TCF12: variants seen among roughly 807,000 people sequenced by gnomAD.
The protein encoded by TCF12 is transcription factor 12.
A neutral mutation model predicts 86.0 loss-of-function variants in TCF12; 45 were observed. That is an observed-to-expected ratio of 0.52 (90% CI 0.41 to 0.67). The LOEUF (loss-of-function observed/expected upper bound fraction) is 0.67. TCF12 is among the 30% of genes least tolerant of loss of function. The pLI is 0.00. For synonymous variants in TCF12, 330 were observed against 299.6 expected, an observed-to-expected ratio of 1.10 and a Z score of -1.05; for missense variants, 881 against 859.9, an observed-to-expected ratio of 1.02 and a Z score of -0.31.
At chr15:57,263,076 G>A (rs779742375) in intron 17 of TCF12, 36 bp from the exon 18 acceptor site, 237 of 1,574,786 alleles carry the variant, frequency 1.5e-4, no homozygotes, top group Non-Finnish European at 1.8e-4. Flanking sequence ...TATGAGTCTC[G>A]TCTTTTATTT....
chr15:57,232,278 C>G lies in TCF12; in HGVS notation c.686-13C>G, dbSNP rs773843603. 1.2e-5 allele frequency: 19 copies of G among 1,612,674 alleles called. No homozygotes were observed. The East Asian group carries it at 4.0e-4, about 34-fold the overall frequency. On this transcript the variant is annotated splice_polypyrimidine_tract_variant and intron_variant, in intron 9 of 20. Transcript: ENST00000333725. ...TAGCTAAGGAAAATTTTATATTTCT[C>G]TTTTTGTCTTAGATGGGACCCACAA...
chr15:57,160,055 G>A (rs1299625593), intron 5 of TCF12, among the ~76,000 whole-genome samples: 1 of 152,178 alleles, frequency 6.6e-6, no homozygotes. Flanking sequence ...CACACACCAT[G>A]AGAGTATTGT....
intron 3 of TCF12, among the ~76,000 whole-genome samples, chr15:56,983,657 CAAAT>C (rs2140903223): frequency 6.6e-6 from 1 of 152,072 alleles, no homozygotes; most frequent in African/African-American, 2.4e-5. Context: ...GTTTTACCGT[CAAAT>C]AAGTTATGTA....
At chr15:57,082,487 T>C (rs1363109783) in intron 4 of TCF12, among the ~76,000 whole-genome samples, 2 of 152,250 alleles carry the variant, frequency 1.3e-5, no homozygotes, top group Non-Finnish European at 2.9e-5. Context: ...TGAACATTTT[T>C]TATGGCAAAG....
chr15:56,976,110 A>C (rs1190725488), intron 3 of TCF12, among the ~76,000 whole-genome samples: 2 of 152,082 alleles, frequency 1.3e-5, no homozygotes, highest in African/African-American at 4.8e-5. Context: ...GATGCTAATG[A>C]AACAGTCATT....
At chr15:57,098,898 A>AT (rs1453113058) in intron 5 of TCF12, among the ~76,000 whole-genome samples, 1 of 152,208 alleles carries the variant, frequency 6.6e-6, no homozygotes, top group Non-Finnish European at 1.5e-5. Context: ...CGTTGAAAGA[A>AT]TAAGAACTGG....
At chr15:57,290,557 A>G (rs1288295604), downstream of TCF12, among the ~76,000 whole-genome samples, 2 of 152,208 alleles carry the variant, frequency 1.3e-5, no homozygotes, top group African/African-American at 4.8e-5. Flanking sequence ...TTTGACATTA[A>G]AAGAAGGGCA....
chr15:56,949,806 G>T (rs1028177460), intron 3 of TCF12, among the ~76,000 whole-genome samples: 1 of 152,162 alleles, frequency 6.6e-6, no homozygotes, highest in African/African-American at 2.4e-5. Context: ...AATAGAAATG[G>T]TTAAAGTGTC....
At chr15:57,267,554 A>G (rs2060927431) in intron 18 of TCF12, among the ~76,000 whole-genome samples, 1 of 152,214 alleles carries the variant, frequency 6.6e-6, no homozygotes. Context: ...AATAGTGACT[A>G]TTATTAGGCT....
chr15:57,166,909 G>T (rs1227434562), intron 6 of TCF12, among the ~76,000 whole-genome samples: 1 of 152,126 alleles, frequency 6.6e-6, no homozygotes, highest in Non-Finnish European at 1.5e-5. Context: ...CCCTGACTTG[G>T]AATCTTTGTT....
intron 19 of TCF12, among the ~76,000 whole-genome samples, chr15:57,278,056 C>G (rs1447729115): frequency 6.6e-6 from 1 of 152,028 alleles, no homozygotes; most frequent in Non-Finnish European, 1.5e-5. Flanking sequence ...TGGTCTCAAA[C>G]TCCTAGCACA....
chr15:57,177,811 C>T (rs2056062654), intron 6 of TCF12, among the ~76,000 whole-genome samples: 1 of 152,058 alleles, frequency 6.6e-6, no homozygotes, highest in Non-Finnish European at 1.5e-5. Context: ...GCCTTGACCT[C>T]CCAGGTTTGG....
At position 57,232,840 on chromosome 15, in the gene TCF12, A is replaced by T. The variant is rs375003825; in HGVS notation, c.954A>T (p.Gly318=). The part of the protein sequence containing the change: ...VAASHTPPIN[G]SDSILGTRGN... ...CCTCACACACTCCTCCCATCAATGG[A>T]TCAGACAGCATTCTAGGTGAGCTTT... Residue 318 remains glycine (G), a synonymous_variant, in exon 11 of 21, where the codon GGA becomes GGT. Transcript: ENST00000333725. The T allele has an allele frequency of 6.5e-5, 103 of 1,593,536 alleles. No individual in the cohort carries two copies. The highest frequency in any genetic ancestry group is 8.5e-5 in the Non-Finnish European group (99 of 1,170,518).
intron 3 of TCF12, among the ~76,000 whole-genome samples, chr15:56,974,373 T>C (rs979384748): frequency 2.0e-5 from 3 of 152,100 alleles, no homozygotes; most frequent in African/African-American, 7.2e-5. Flanking sequence ...GGTAAAATGT[T>C]ACCACATGTG....
intron 5 of TCF12, among the ~76,000 whole-genome samples, chr15:57,123,154 T>C (rs1315910118): frequency 2.6e-5 from 4 of 152,238 alleles, no homozygotes; most frequent in African/African-American, 9.6e-5. Flanking sequence ...TTTAGCTCTT[T>C]GCTATGTCAG....
intron 6 of TCF12, among the ~76,000 whole-genome samples, chr15:57,186,793 T>C (rs1252864204): frequency 6.6e-6 from 1 of 152,146 alleles, no homozygotes; most frequent in Non-Finnish European, 1.5e-5. Flanking sequence ...AATGCAAGGA[T>C]AGTTTAGCCT....
chr15:56,990,139 G>T (rs995279277), intron 3 of TCF12, among the ~76,000 whole-genome samples: 1 of 139,724 alleles, frequency 7.2e-6, no homozygotes, highest in Non-Finnish European at 1.5e-5. Flanking sequence ...TTATTTTTAG[G>T]CATAGTCTTG....
chr15:57,279,648 T>C (rs2061588210), intron 19 of TCF12, among the ~76,000 whole-genome samples: 1 of 152,172 alleles, frequency 6.6e-6, no homozygotes, highest in Non-Finnish European at 1.5e-5. Context: ...TTGCCTAATT[T>C]ACTGAGTTTT....
chr15:57,081,418 A>T (rs1356249481), intron 4 of TCF12, among the ~76,000 whole-genome samples: 1 of 152,190 alleles, frequency 6.6e-6, no homozygotes, highest in South Asian at 2.1e-4. Context: ...CATCTGTGGA[A>T]TGGGAATAAT....
Sources: gnomAD v4.1 joint callset for allele counts (sites outside exome capture counted in the v4.1 genomes callset) on GRCh38, gnomAD v4.1.1 for gene constraint, MANE v1.5 for transcripts, NCBI Gene and HGNC (gene_info 2026-07-23, HGNC 2026-07-21) for gene names.